Variants in TAOK1 observed in about 807,000 individuals in gnomAD.
The protein encoded by TAOK1 is TAO kinase 1, also known as serine/threonine-protein kinase TAO1.
TAOK1 carries 21 observed loss-of-function variants against 138.3 expected under a neutral mutation model. The ratio of observed to expected loss-of-function variants is 0.15; its 90% CI spans 0.11 to 0.22. The LOEUF is 0.22. TAOK1 is among the 10% of genes least tolerant of loss of function. The pLI, the probability that TAOK1 is intolerant of heterozygous loss-of-function variation, is 1.00. For missense variants in TAOK1, 651 were observed against 1,227.7 expected (o/e 0.53, Z 7.02); for synonymous variants, 361 against 398.4 (o/e 0.91, Z 1.12).
chr17:29,521,330 A>C (rs2031912020), intron 16 of TAOK1, among the ~76,000 whole-genome samples: 1 of 152,186 alleles, frequency 6.6e-6, no homozygotes, highest in Non-Finnish European at 1.5e-5. Flanking sequence ...CTTTAAAAAA[A>C]TGTTTAGAGC....
intron 3 of TAOK1, among the ~76,000 whole-genome samples, chr17:29,472,632 G>A (rs1214722164): frequency 6.7e-6 from 1 of 149,578 alleles, no homozygotes; most frequent in Non-Finnish European, 1.5e-5. Flanking sequence ...GGGGTGCAAT[G>A]GCACTATCTC....
rs2032501169 is a variant in TAOK1 at position 29,551,823 on chromosome 17, TTTTG to T, written c.*8807_*8810del. 6.6e-6 allele frequency: 1 copy of T among 152,666 alleles called. No homozygotes were observed. The highest frequency in any genetic ancestry group is 1.5e-5 in the Non-Finnish European group (1 of 68,042). The allele number at this position is 152,666 out of a possible 1,614,324, so 9.5% of individuals were successfully genotyped here. ...AGCGAAAACAAGGTCATATGTAATA[TTTTG>T]TTTGTAAGTATCCTTTGTATCATAG... On this transcript the variant is annotated 3_prime_UTR_variant, in exon 20 of 20. Transcript: ENST00000261716.
chr17:29,421,863 A>G (rs1412518381), intron 1 of TAOK1, among the ~76,000 whole-genome samples: 1 of 151,438 alleles, frequency 6.6e-6, no homozygotes, highest in Non-Finnish European at 1.5e-5. Context: ...TCGGCTTCCT[A>G]TAGTGCTAGG....
rs1251231221 is a variant in TAOK1, at chr17:29,491,881, G to A, written c.831+16G>A. The A allele has an allele frequency of 6.4e-7, 1 of 1,574,762 alleles. No individual in the cohort carries two copies. The highest frequency in any genetic ancestry group is 8.7e-7 in the Non-Finnish European group (1 of 1,150,634). On this transcript the variant is annotated intron_variant, in intron 10 of 19. Transcript: ENST00000261716. ...ACTTTTAAAGGTCAGTTCTATTATA[G>A]TTTATTTATTTATTTTATTTTAAGA...
At chr17:29,501,377 C>T (rs1409632039) in intron 12 of TAOK1, among the ~76,000 whole-genome samples, 1 of 148,428 alleles carries the variant, frequency 6.7e-6, no homozygotes, top group Non-Finnish European at 1.5e-5. Flanking sequence ...TAGCCTTGAT[C>T]ATACCACTGC....
intron 16 of TAOK1, among the ~76,000 whole-genome samples, chr17:29,521,271 A>T (rs547399240): frequency 4.0e-4 from 61 of 152,272 alleles, no homozygotes; most frequent in African/African-American, 1.4e-3. Flanking sequence ...TTTACATTAT[A>T]TATGTATGTG....
chr17:29,471,993 C>T lies in TAOK1; in HGVS notation c.205-3677C>T, dbSNP rs555083010. Among the ~76,000 whole-genome samples the T allele has an allele frequency of 3.3e-5, 5 of 152,296 alleles. No homozygotes were observed. The South Asian group carries it at 1.0e-3, about 32-fold the overall frequency. On this transcript the variant is annotated intron_variant, in intron 3 of 19. Transcript: ENST00000261716. ...GCAGCAGTGTAGTCACATCTTCAGG[C>T]TCCATGTGTAATTCCAGTTTTCCTG...
At chr17:29,464,231 C>A (rs983414136) in intron 2 of TAOK1, among the ~76,000 whole-genome samples, 2 of 151,028 alleles carry the variant, frequency 1.3e-5, no homozygotes, top group African/African-American at 4.9e-5. Context: ...GTCAGGAGAT[C>A]GAGACCATCC....
At chr17:29,445,326 G>T (rs373229655) in intron 1 of TAOK1, 5 of 152,428 alleles carry the variant, frequency 3.3e-5, no homozygotes, top group East Asian at 3.9e-4. Context: ...TTACAAATTT[G>T]CGTGTCATCC....
intron 19 of TAOK1, among the ~76,000 whole-genome samples, chr17:29,535,162 T>C (rs779631033): frequency 6.6e-6 from 1 of 151,286 alleles, no homozygotes; most frequent in Non-Finnish European, 1.5e-5. Flanking sequence ...TATTTAAAAA[T>C]TAGCTGAGTG....
rs769941414 is a variant in TAOK1, at chr17:29,522,487, A to T, written c.2116A>T (p.Met706Leu). The change falls in exon 17 of 20, where the codon ATG becomes TTG. Residue 706 changes from methionine to leucine, a missense_variant. Around this residue, in one of 8 missense-constraint regions of TAOK1, gnomAD observed 258 missense variants for 548.9 expected, o/e 0.47. Coordinates refer to ENST00000261716, the MANE Select transcript of TAOK1 (RefSeq NM_020791.4). ...ACGAGAACTAAGACGAAAGCATGTC[A>T]TGGAAGTTCGACAACAGCCTAAGAG... is the stretch of plus-strand genomic sequence containing the variant. ...RERELRRKHV[M>L]EVRQQPKSLK... 1.9e-6 allele frequency: 3 copies of T among 1,614,228 alleles called. No individual in the cohort carries two copies. The highest frequency in any genetic ancestry group is 2.2e-5 in the South Asian group (2 of 91,086).
At chr17:29,461,024 A>G (rs1449293610) in intron 2 of TAOK1, among the ~76,000 whole-genome samples, 3 of 152,164 alleles carry the variant, frequency 2.0e-5, no homozygotes, top group Non-Finnish European at 2.9e-5. Context: ...CTTCTACCCA[A>G]ACTGGATTAT....
intron 11 of TAOK1, among the ~76,000 whole-genome samples, chr17:29,495,945 C>T (rs2031404089): frequency 1.3e-5 from 2 of 151,978 alleles, no homozygotes; most frequent in Non-Finnish European, 2.9e-5. Flanking sequence ...AGTCTTTAAT[C>T]ATGTTAGATT....
At chr17:29,501,925 T>C (rs914862801) in intron 12 of TAOK1, among the ~76,000 whole-genome samples, 4 of 152,100 alleles carry the variant, frequency 2.6e-5, no homozygotes, top group Admixed American at 6.5e-5. Context: ...TGGTCCCAGC[T>C]ACCTGGGAGG....
At chr17:29,401,115 A>G (rs118090463) in intron 1 of TAOK1, among the ~76,000 whole-genome samples, 6,020 of 151,866 alleles carry the variant, frequency 0.04, 176 homozygotes, top group Non-Finnish European at 0.062. Flanking sequence ...GGGTCTTGCT[A>G]TGTTGCCCAG....
intron 8 of TAOK1, 58 bp from the exon 9 acceptor site, chr17:29,489,606 C>G: frequency 8.7e-7 from 1 of 1,148,194 alleles, no homozygotes. Context: ...AAAAACGTGC[C>G]CAGGACTTGA....
chr17:29,456,683 G>C (rs1037380161), intron 2 of TAOK1, among the ~76,000 whole-genome samples: 6 of 150,644 alleles, frequency 4.0e-5, no homozygotes, highest in African/African-American at 1.5e-4. Context: ...CAAGCATTTT[G>C]CACAAGGTAT....
chr17:29,397,071 G>A (rs928676733), intron 1 of TAOK1, among the ~76,000 whole-genome samples: 2 of 147,906 alleles, frequency 1.4e-5, no homozygotes, highest in African/African-American at 5.1e-5. Flanking sequence ...GAGGCGGGTG[G>A]ATCACCTGAG....
intron 1 of TAOK1, among the ~76,000 whole-genome samples, chr17:29,415,117 G>A (rs923728783): frequency 5.3e-5 from 8 of 151,864 alleles, no homozygotes; most frequent in African/African-American, 1.9e-4. Flanking sequence ...TTACAGGTGC[G>A]TGCTACCACA....
Sources: allele counts gnomAD v4.1 joint callset (sites outside exome capture counted in the v4.1 genomes callset), GRCh38; gene constraint gnomAD v4.1.1; regional missense constraint gnomAD v4.1.1; transcripts MANE v1.5; gene names NCBI Gene and HGNC (gene_info 2026-07-23, HGNC 2026-07-21).